Variants in WSB1 observed in about 807,000 individuals in gnomAD.
The protein encoded by WSB1 is WD repeat and SOCS box containing 1, also known as WD repeat and SOCS box-containing protein 1.
A neutral mutation model predicts 50.2 loss-of-function variants in WSB1; 23 were observed. The ratio of observed to expected loss-of-function variants is 0.46; its 90% CI spans 0.33 to 0.65. The LOEUF is 0.65. WSB1 is among the 30% of genes least tolerant of loss of function. WSB1 has a pLI of 0.02. For synonymous variants in WSB1, 179 were observed against 172.0 expected (o/e 1.04, Z -0.32); for missense variants, 492 against 522.3 (o/e 0.94, Z 0.56).
intron 1 of WSB1, among the ~76,000 whole-genome samples, chr17:27,296,646 G>A (rs1214457228): frequency 1.3e-5 from 2 of 152,160 alleles, no homozygotes; most frequent in Non-Finnish European, 2.9e-5. Flanking sequence ...ATTTTGGGGA[G>A]GAATGTAAAG....
At chr17:27,303,251 T>A in intron 2 of WSB1, 116 bp from the exon 3 acceptor site, 1 of 1,138,158 alleles carries the variant, frequency 8.8e-7, no homozygotes, top group Non-Finnish European at 1.2e-6. Flanking sequence ...CTATTGTTAT[T>A]TGGTGTCATT....
intron 5 of WSB1, 170 bp from the exon 6 acceptor site, chr17:27,308,930 C>T: frequency 8.1e-7 from 1 of 1,230,978 alleles, no homozygotes; most frequent in Non-Finnish European, 1.0e-6. Context: ...CCTTAATTAA[C>T]TTAAAGACTG....
rs777814945 is a variant in WSB1 at position 27,294,174 on chromosome 17, G to C, written c.-222G>C. Reference sequence around the variant, plus strand: ...GTCTTCCTCCGCAGGCGCGAGGCTGGGTACAGGGTCTATTGTCTGTGGTTG... The same window carrying C: ...GTCTTCCTCCGCAGGCGCGAGGCTGCGTACAGGGTCTATTGTCTGTGGTTG... On this transcript the variant is annotated 5_prime_UTR_variant, in exon 1 of 9. Transcript: ENST00000262394. 21 of 402,246 alleles carry C rather than the reference G, an allele frequency of 5.2e-5. No homozygotes were observed. The highest frequency in any genetic ancestry group is 8.8e-5 in the Non-Finnish European group (20 of 227,238). 24.9% of individuals were successfully genotyped at this position (402,246 alleles called of 1,614,324 possible).
At chr17:27,296,362 C>T (rs7213143) in intron 1 of WSB1, among the ~76,000 whole-genome samples, 8,819 of 151,346 alleles carry the variant, frequency 0.058, 648 homozygotes, top group African/African-American at 0.17. Context: ...TTTTTTAACC[C>T]CAGTTTTTTT....
At chr17:27,304,759 T>C (rs766487462) in intron 3 of WSB1, 21 bp from the exon 4 acceptor site, 33 of 1,606,232 alleles carry the variant, frequency 2.1e-5, no homozygotes, top group Admixed American at 2.0e-4. Context: ...GTCTTTTTTT[T>C]CCCTTTTCTA....
At position 27,306,766 on chromosome 17, in the gene WSB1, A is replaced by G; in HGVS notation, c.611-16A>G. 1 of 1,612,836 alleles carries G rather than the reference A, an allele frequency of 6.2e-7. No individual in the cohort carries two copies. The highest frequency in any genetic ancestry group is 8.5e-7 in the Non-Finnish European group (1 of 1,179,122). ...GTGGATTCTAGGGTTAATACAGATT[A>G]TTTCTTTTTGTTCAGGAAACATGAT... On this transcript the variant is annotated splice_polypyrimidine_tract_variant and intron_variant, in intron 4 of 8. Transcript: ENST00000262394.
chr17:27,311,407 T>C, intron 7 of WSB1, 102 bp from the exon 8 acceptor site: 1 of 795,412 alleles, frequency 1.3e-6, no homozygotes, highest in Admixed American at 2.8e-5. Context: ...GATGTGTGTA[T>C]TTTGTGACTC....
At chr17:27,305,991 C>T (rs1460948627) in intron 4 of WSB1, among the ~76,000 whole-genome samples, 5 of 152,078 alleles carry the variant, frequency 3.3e-5, no homozygotes, top group African/African-American at 4.8e-5. Context: ...TGCGTAGGCA[C>T]TCAGTAAGTA....
chr17:27,310,335 T>C (rs2017629031), intron 7 of WSB1, among the ~76,000 whole-genome samples, 161 bp downstream of exon 7: 1 of 152,234 alleles, frequency 6.6e-6, no homozygotes. Flanking sequence ...CAATTATCTG[T>C]GTAAACTAAA....
Position 27,294,155 on chromosome 17 carries a change from C to G in WSB1, c.-241C>G. On this transcript the variant is annotated 5_prime_UTR_variant, in exon 1 of 9. Coordinates refer to ENST00000262394, the MANE Select transcript of WSB1 (RefSeq NM_015626.10). ...TCGGCGCTTTAGGGGAACTGTCTTCCTCCGCAGGCGCGAGGCTGGGTACAG... is the reference window on the plus strand; with the variant it reads ...TCGGCGCTTTAGGGGAACTGTCTTCGTCCGCAGGCGCGAGGCTGGGTACAG... 2.8e-6 allele frequency: 1 copy of G among 362,996 alleles called. No individual in the cohort carries two copies. Among genetic ancestry groups the G allele is most frequent in the Non-Finnish European group, 5.0e-6 (1 of 201,592 alleles). The allele number at this position is 362,996 out of a possible 1,614,324, so 22.5% of individuals were successfully genotyped here.
chr17:27,301,716 A>G (rs748374746), intron 1 of WSB1, 72 bp from the exon 2 acceptor site: 3 of 1,525,110 alleles, frequency 2.0e-6, no homozygotes, highest in East Asian at 2.3e-5. Context: ...TCAATCCCAA[A>G]GTAATATGGA....
In WSB1 at chr17:27,314,423, A is replaced by G. The variant is rs1481701966; in HGVS notation, c.*2054A>G. 2.0e-5 allele frequency: 3 copies of G among 151,988 alleles called. No individual in the cohort carries two copies. Among genetic ancestry groups the G allele is most frequent in the African/African-American group, 4.8e-5 (2 of 41,394 alleles). The allele number at this position is 151,988 out of a possible 1,614,324, so 9.4% of individuals were successfully genotyped here. A position where few individuals can be genotyped will look rare whatever the true frequency, so the allele number is the denominator to read the frequency against. ...AACCCCTGTCTCTACTAAAATTACA[A>G]AAATTAGCTGGGCATGGTGGTGGGT... On this transcript the variant is annotated 3_prime_UTR_variant, in exon 9 of 9. Transcript: ENST00000262394.
chr17:27,304,507 T>G (rs1237632647), intron 3 of WSB1, among the ~76,000 whole-genome samples: 1 of 115,884 alleles, frequency 8.6e-6, no homozygotes, highest in East Asian at 2.7e-4. Flanking sequence ...TAGACCAGCC[T>G]GGGCAACATA....
Position 27,311,199 on chromosome 17 carries a change from A to G in WSB1, c.999-310A>G, listed in dbSNP as rs140215193. ...AAAGGGTGAAACAGACTAGAAGTTG[A>G]TTGTATTGTAAGTGTAGGAAAGTAA... On this transcript the variant is annotated intron_variant, in intron 7 of 8. Coordinates refer to ENST00000262394, the MANE Select transcript of WSB1 (RefSeq NM_015626.10). Among the ~76,000 whole-genome samples the G allele has an allele frequency of 2.1e-3, 321 of 152,258 alleles. 2 individuals carry two copies. The highest frequency in any genetic ancestry group is 3.5e-3 in the Non-Finnish European group (235 of 68,028).
At chr17:27,303,817 A>C in intron 3 of WSB1, 182 bp downstream of exon 3, 1 of 707,256 alleles carries the variant, frequency 1.4e-6, no homozygotes, top group South Asian at 2.0e-5. Context: ...ATTTAGGAAA[A>C]CTATGGAGTT....
intron 3 of WSB1, among the ~76,000 whole-genome samples, chr17:27,304,499 G>C (rs2017360797): frequency 8.6e-6 from 1 of 116,154 alleles, no homozygotes; most frequent in Non-Finnish European, 1.6e-5. Flanking sequence ...AGGAGTTTTA[G>C]ACCAGCCTGG....
intron 5 of WSB1, chr17:27,308,847 C>T: frequency 1.8e-6 from 2 of 1,088,308 alleles, no homozygotes; most frequent in Non-Finnish European, 2.2e-6. Flanking sequence ...ATTGCATTGC[C>T]TTTATTTTAT....
intron 1 of WSB1, among the ~76,000 whole-genome samples, chr17:27,297,899 G>A (rs1171743485): frequency 6.6e-6 from 1 of 152,032 alleles, no homozygotes; most frequent in African/African-American, 2.4e-5. Context: ...CCTGAGGTCA[G>A]GAGTTCAAGA....
intron 1 of WSB1, among the ~76,000 whole-genome samples, chr17:27,298,577 G>A (rs2017088319): frequency 6.6e-6 from 1 of 152,046 alleles, no homozygotes; most frequent in Admixed American, 6.5e-5. Context: ...TTTTTGCCGG[G>A]TGCGGTGGCT....
Sources: allele counts gnomAD v4.1 joint callset (sites outside exome capture counted in the v4.1 genomes callset), GRCh38; gene constraint gnomAD v4.1.1; transcripts MANE v1.5; gene names NCBI Gene and HGNC (gene_info 2026-07-23, HGNC 2026-07-21).